CSMD1: variants seen among roughly 807,000 people sequenced by gnomAD.
CSMD1 encodes CUB and sushi domain-containing protein 1.
A neutral mutation model predicts 417.5 loss-of-function variants in CSMD1; 213 were observed. The observed-to-expected ratio is 0.51, with a 90% confidence interval of 0.46 to 0.57. CSMD1 has a LOEUF of 0.57. Among genes scored for constraint, CSMD1 ranks in the 20% least tolerant of loss-of-function variants. CSMD1 has a pLI of 0.00. For missense variants in CSMD1, 6,923 were observed against 4,529.7 expected (o/e 1.53, Z -15.17); for synonymous variants, 2,862 against 1,736.8 (o/e 1.65, Z -16.11).
rs142865230 is a variant in CSMD1 at position 3,655,757 on chromosome 8, C to A, written c.1010-38960G>T. Among the ~76,000 whole-genome samples the A allele has an allele frequency of 1.6e-3, 249 of 151,278 alleles. 2 individuals carry two copies. The highest frequency in any genetic ancestry group is 0.01 in the Middle Eastern group (3 of 294). On this transcript the variant is annotated intron_variant, in intron 7 of 69. Coordinates refer to ENST00000635120, the MANE Select transcript of CSMD1 (RefSeq NM_033225.6). ...ACAAACATGCTCATTGGGAAATTAGCTACGGCTGTAGGAGGCAGGAAAGGT... is the reference window on the plus strand; with the variant it reads ...ACAAACATGCTCATTGGGAAATTAGATACGGCTGTAGGAGGCAGGAAAGGT...
intron 3 of CSMD1, among the ~76,000 whole-genome samples, chr8:4,058,309 G>C (rs569364877): frequency 3.3e-5 from 5 of 152,150 alleles, no homozygotes; most frequent in Non-Finnish European, 7.4e-5. Context: ...GTGAATGGGA[G>C]TTCACTCACG....
intron 3 of CSMD1, among the ~76,000 whole-genome samples, chr8:4,223,874 C>A (rs973784885): frequency 6.6e-6 from 1 of 152,138 alleles, no homozygotes; most frequent in Non-Finnish European, 1.5e-5. Flanking sequence ...CCTAAAAGTC[C>A]TGCATGGAAA....
Position 3,411,947 on chromosome 8 carries a change from TATATATACAC to T in CSMD1, c.1562-2352_1562-2343del, listed in dbSNP as rs1178649624. ...GTATATATACACGTATATATGCACGTATATATACACGTATATATGCACGTATATATACACG... is the reference window on the plus strand; with the variant it reads ...GTATATATACACGTATATATGCACGTGTATATATGCACGTATATATACACG... On this transcript the variant is annotated intron_variant, in intron 12 of 69. Coordinates refer to ENST00000635120, the MANE Select transcript of CSMD1 (RefSeq NM_033225.6). Among the ~76,000 whole-genome samples, 8 of 87,062 alleles carry T rather than the reference TATATATACAC, an allele frequency of 9.2e-5. 2 individuals are homozygous for T. The highest frequency in any genetic ancestry group is 3.6e-4 in the African/African-American group (8 of 22,008). The allele number at this position is 87,062 out of a possible 152,430, so 57.1% of individuals were successfully genotyped here.
At position 3,349,629 on chromosome 8, in the gene CSMD1, ATATAAC is replaced by A. The variant is rs1360704133; in HGVS notation, c.3305-1474_3305-1469del. Reference sequence around the variant, plus strand: ...ATCATTTTAAGAAATTACAGTAATTATATAACTATAATTATGTATTTGTATAATTAT... The same window carrying A: ...ATCATTTTAAGAAATTACAGTAATTATATAATTATGTATTTGTATAATTAT... On this transcript the variant is annotated intron_variant, in intron 21 of 69. Coordinates refer to ENST00000635120, the MANE Select transcript of CSMD1 (RefSeq NM_033225.6). 4.0e-5 allele frequency among the ~76,000 whole-genome samples: 6 copies of A among 151,686 alleles called. No individual in the cohort carries two copies. The South Asian group carries it at 6.2e-4, about 16-fold the overall frequency.
Position 4,457,278 on chromosome 8 carries a change from A to G in CSMD1, c.303-37213T>C, listed in dbSNP as rs76283580. Reference sequence around the variant, plus strand: ...ACCTGTTTGCCCATCTTACTTACATATATCATTTGAATTGCATCTTTCTAA... The same window carrying G: ...ACCTGTTTGCCCATCTTACTTACATGTATCATTTGAATTGCATCTTTCTAA... On this transcript the variant is annotated intron_variant, in intron 2 of 69. Transcript: ENST00000635120. 8.2e-3 allele frequency among the ~76,000 whole-genome samples: 1,249 copies of G among 152,206 alleles called. 17 individuals carry two copies. Among genetic ancestry groups the G allele is most frequent in the African/African-American group, 0.028 (1,165 of 41,512 alleles).
chr8:3,878,774 G>C (rs1005721746), intron 5 of CSMD1, among the ~76,000 whole-genome samples: 8 of 152,146 alleles, frequency 5.3e-5, no homozygotes, highest in African/African-American at 1.9e-4. Flanking sequence ...TGCTTCCTGA[G>C]TTTGTGCAAA....
At chr8:4,321,369 A>C (rs773441152) in intron 3 of CSMD1, among the ~76,000 whole-genome samples, 5 of 152,148 alleles carry the variant, frequency 3.3e-5, no homozygotes, top group Non-Finnish European at 5.9e-5. Context: ...CAGTTAAAGC[A>C]TAAGAACGGA....
chr8:4,347,218 G>A (rs1191814400), intron 3 of CSMD1, among the ~76,000 whole-genome samples: 1 of 151,926 alleles, frequency 6.6e-6, no homozygotes, highest in East Asian at 1.9e-4. Context: ...AGAAATACTT[G>A]GAAATTACAT....
intron 7 of CSMD1, among the ~76,000 whole-genome samples, chr8:3,641,203 C>A (rs1264086200): frequency 1.3e-5 from 2 of 151,958 alleles, no homozygotes; most frequent in Admixed American, 1.3e-4. Context: ...GGGTACATTG[C>A]CTTTTCCAGA....
intron 4 of CSMD1, among the ~76,000 whole-genome samples, chr8:4,001,940 T>C (rs1815709218): frequency 6.6e-6 from 1 of 152,064 alleles, no homozygotes; most frequent in African/African-American, 2.4e-5. Context: ...ATTTCTTCAG[T>C]AGATATGTTA....
chr8:4,830,142 C>G (rs767231387), intron 1 of CSMD1, among the ~76,000 whole-genome samples: 14 of 152,122 alleles, frequency 9.2e-5, no homozygotes, highest in Non-Finnish European at 1.8e-4. Flanking sequence ...CTGAATCACT[C>G]CTGAGAAATC....
At chr8:4,586,827 C>T (rs933265434) in intron 2 of CSMD1, among the ~76,000 whole-genome samples, 13 of 152,270 alleles carry the variant, frequency 8.5e-5, no homozygotes, top group African/African-American at 2.4e-4. Context: ...CAGGTCTGCA[C>T]GCACAGTAGG....
chr8:4,241,294 A>AC (rs1802382609), intron 3 of CSMD1, among the ~76,000 whole-genome samples: 1 of 152,096 alleles, frequency 6.6e-6, no homozygotes, highest in African/African-American at 2.4e-5. Flanking sequence ...CATTCCCTTT[A>AC]CCTGCTGTAA....
chr8:3,346,873 G>A (rs905250509), intron 22 of CSMD1, among the ~76,000 whole-genome samples: 1 of 152,196 alleles, frequency 6.6e-6, no homozygotes, highest in Non-Finnish European at 1.5e-5. Context: ...ATTTTAAAAA[G>A]GGAATAAAAA....
chr8:3,697,543 T>C (rs1268843660), intron 7 of CSMD1, among the ~76,000 whole-genome samples: 1 of 152,194 alleles, frequency 6.6e-6, no homozygotes, highest in African/African-American at 2.4e-5. Context: ...CTGACTTTAG[T>C]TACTCACTAA....
intron 5 of CSMD1, among the ~76,000 whole-genome samples, chr8:3,948,488 G>T (rs1018822307): frequency 6.6e-6 from 1 of 152,164 alleles, no homozygotes; most frequent in African/African-American, 2.4e-5. Flanking sequence ...TTCTCCAGAA[G>T]TTGTTTTGAA....
At chr8:3,546,041 C>G (rs954582919) in intron 10 of CSMD1, among the ~76,000 whole-genome samples, 5 of 152,140 alleles carry the variant, frequency 3.3e-5, no homozygotes, top group African/African-American at 1.2e-4. Flanking sequence ...AACCAAAATG[C>G]AGTTTCTCCA....
intron 5 of CSMD1, among the ~76,000 whole-genome samples, chr8:3,787,202 G>C (rs1380200411): frequency 2.0e-5 from 3 of 152,106 alleles, no homozygotes; most frequent in Non-Finnish European, 2.9e-5. Context: ...CCAGAATTTT[G>C]TATTCCTATG....
chr8:3,877,680 ATG>A (rs1805915756), intron 5 of CSMD1, among the ~76,000 whole-genome samples: 1 of 152,202 alleles, frequency 6.6e-6, no homozygotes, highest in African/African-American at 2.4e-5. Flanking sequence ...GTCTGAGCAC[ATG>A]GCTTGTACAT....
Sources: gnomAD v4.1 joint callset for allele counts (sites outside exome capture counted in the v4.1 genomes callset) on GRCh38, gnomAD v4.1.1 for gene constraint, MANE v1.5 for transcripts, NCBI Gene and HGNC (gene_info 2026-07-23, HGNC 2026-07-21) for gene names.